C7orf78: variants seen among roughly 807,000 people sequenced by gnomAD.
The protein encoded by C7orf78 is putative uncharacterized protein C7orf78.
chr7:12,503,551 G>A, the C7orf78 span, among the ~76,000 whole-genome samples: 2 of 151,604 alleles, frequency 1.3e-5, no homozygotes, highest in Non-Finnish European at 2.9e-5. Flanking sequence ...CTGGATGATG[G>A]TTACATGGGG....
At chr7:12,524,523 T>C in the C7orf78 span, among the ~76,000 whole-genome samples, 3 of 152,138 alleles carry the variant, frequency 2.0e-5, no homozygotes, top group African/African-American at 7.2e-5. Context: ...GGAGGTCATT[T>C]AAATATTAAA....
chr7:12,512,825 G>T, the C7orf78 span, among the ~76,000 whole-genome samples: 1 of 152,092 alleles, frequency 6.6e-6, no homozygotes, highest in Non-Finnish European at 1.5e-5. Context: ...TTTGCTGAGA[G>T]CCTTCTTATT....
the C7orf78 span, among the ~76,000 whole-genome samples, chr7:12,523,837 T>C: frequency 1.3e-5 from 2 of 152,220 alleles, no homozygotes; most frequent in Non-Finnish European, 2.9e-5. Flanking sequence ...ATTCTATTAC[T>C]TTAATGAATC....
At chr7:12,506,950 T>C in the C7orf78 span, 1 of 479,842 alleles carries the variant, frequency 2.1e-6, no homozygotes, top group Non-Finnish European at 4.2e-6. Context: ...TGAATAAATC[T>C]CTTGCTGAAC....
At chr7:12,535,644 C>T in the C7orf78 span, among the ~76,000 whole-genome samples, 16 of 152,294 alleles carry the variant, frequency 1.1e-4, no homozygotes, top group African/African-American at 3.1e-4. Flanking sequence ...CAAAAGTCCA[C>T]GGTCCAACAT....
chr7:12,510,112 C>G, the C7orf78 span, among the ~76,000 whole-genome samples: 5 of 148,746 alleles, frequency 3.4e-5, no homozygotes, highest in African/African-American at 1.3e-4. Flanking sequence ...TGTATATATA[C>G]TTTTTTTAAT....
At chr7:12,525,400 A>C in the C7orf78 span, among the ~76,000 whole-genome samples, 1 of 152,122 alleles carries the variant, frequency 6.6e-6, no homozygotes, top group African/African-American at 2.4e-5. Context: ...ATGTGTCTGA[A>C]AGAAGTTCAG....
the C7orf78 span, among the ~76,000 whole-genome samples, chr7:12,533,298 T>C: frequency 6.6e-6 from 1 of 151,938 alleles, no homozygotes; most frequent in South Asian, 2.1e-4. Context: ...CCTCCCAGGT[T>C]CAAATGATTC....
At chr7:12,504,836 A>C in the C7orf78 span, among the ~76,000 whole-genome samples, 1 of 152,138 alleles carries the variant, frequency 6.6e-6, no homozygotes. Flanking sequence ...TAAAAAGTTT[A>C]CTGTGATCAC....
the C7orf78 span, among the ~76,000 whole-genome samples, chr7:12,495,373 A>G: frequency 9.2e-5 from 14 of 152,282 alleles, no homozygotes; most frequent in East Asian, 2.1e-3. Flanking sequence ...CACCTTCCCA[A>G]TAGGTTTCCA....
the C7orf78 span, chr7:12,541,934 C>T: frequency 6.6e-6 from 1 of 152,092 alleles, no homozygotes; most frequent in Non-Finnish European, 1.5e-5. Context: ...ATTTATAGTT[C>T]CAACTAGAAG....
At chr7:12,541,140 G>C in the C7orf78 span, 1 of 152,164 alleles carries the variant, frequency 6.6e-6, no homozygotes, top group Non-Finnish European at 1.5e-5. Flanking sequence ...CCAATCATAA[G>C]GCTTTTGATT....
the C7orf78 span, among the ~76,000 whole-genome samples, chr7:12,539,348 C>T: frequency 6.6e-6 from 1 of 152,064 alleles, no homozygotes; most frequent in Admixed American, 6.5e-5. Context: ...CCTGTAGTCC[C>T]AGCTACTTGG....
the C7orf78 span, among the ~76,000 whole-genome samples, chr7:12,512,091 T>A: frequency 6.6e-6 from 1 of 152,052 alleles, no homozygotes; most frequent in African/African-American, 2.4e-5. Context: ...TGTTTATTAG[T>A]TCTAAGAGTT....
chr7:12,494,960 T>C, the C7orf78 span, among the ~76,000 whole-genome samples: 1 of 152,194 alleles, frequency 6.6e-6, no homozygotes, highest in South Asian at 2.1e-4. Context: ...CCACGCACAG[T>C]TGACATCCAA....
chr7:12,524,438 C>T, the C7orf78 span, among the ~76,000 whole-genome samples: 7 of 151,986 alleles, frequency 4.6e-5, no homozygotes, highest in Non-Finnish European at 8.8e-5. Flanking sequence ...ATATATGTTA[C>T]CTTTTAGAGA....
chr7:12,498,184 C>T, the C7orf78 span, among the ~76,000 whole-genome samples: 1 of 152,084 alleles, frequency 6.6e-6, no homozygotes, highest in Non-Finnish European at 1.5e-5. Context: ...CGCCTCTCCT[C>T]CTCCAAAGGA....
the C7orf78 span, among the ~76,000 whole-genome samples, chr7:12,516,657 G>A: frequency 3.3e-5 from 5 of 152,340 alleles, no homozygotes; most frequent in South Asian, 1.0e-3. Flanking sequence ...AGCCACAGGG[G>A]AGGAGCTGCC....
chr7:12,511,061 G>A, the C7orf78 span, among the ~76,000 whole-genome samples: 1 of 151,902 alleles, frequency 6.6e-6, no homozygotes, highest in South Asian at 2.1e-4. Context: ...GTTGATTTTT[G>A]CATATGGTGA....
Sources: gnomAD v4.1 joint callset for allele counts (sites outside exome capture counted in the v4.1 genomes callset) on GRCh38, gnomAD v4.1.1 for gene constraint, MANE v1.5 for transcripts, NCBI Gene and HGNC (gene_info 2026-07-23, HGNC 2026-07-21) for gene names.